The following PRDM2 variants were observed in gnomAD, a reference collection of about 807,000 sequenced individuals.
PRDM2 encodes the protein PR/SET domain 2.
PRDM2 carries 30 observed loss-of-function variants against 130.0 expected under a neutral mutation model. That is an observed-to-expected ratio of 0.23 (90% CI 0.17 to 0.31). The LOEUF (loss-of-function observed/expected upper bound fraction) is 0.31, where lower values mean the gene tolerates loss of function less well. Among genes scored for constraint, PRDM2 ranks in the 10% least tolerant of loss-of-function variants. PRDM2 has a pLI of 1.00. For missense variants in PRDM2, 2,011 were observed against 2,108.4 expected (o/e 0.95, Z 0.90); for synonymous variants, 871 against 782.4 (o/e 1.11, Z -1.89).
At chr1:13,811,143 G>A (rs979940530) in intron 8 of PRDM2, among the ~76,000 whole-genome samples, 1 of 151,868 alleles carries the variant, frequency 6.6e-6, no homozygotes, top group African/African-American at 2.4e-5. Context: ...AAGAAAGCAC[G>A]ACTGCACTCC....
intron 5 of PRDM2, among the ~76,000 whole-genome samples, chr1:13,746,796 A>AT (rs1369567579): frequency 2.6e-5 from 4 of 152,158 alleles, no homozygotes; most frequent in Non-Finnish European, 4.4e-5. Flanking sequence ...CGCTCAAGCG[A>AT]TTCGCCTGCC....
At chr1:13,773,228 A>G (rs764354911) in intron 7 of PRDM2, 40 bp downstream of exon 7, 3 of 1,188,016 alleles carry the variant, frequency 2.5e-6, no homozygotes, top group Non-Finnish European at 1.2e-6. Context: ...TTGGGTGTGT[A>G]TGTACCCAGT....
intron 8 of PRDM2, among the ~76,000 whole-genome samples, chr1:13,784,336 A>G (rs1644689876): frequency 6.6e-6 from 1 of 152,182 alleles, no homozygotes; most frequent in African/African-American, 2.4e-5. Flanking sequence ...GTCCTTTTCA[A>G]GTTGCTTGTG....
At chr1:13,702,402 T>G (rs1056106669) in intron 1 of PRDM2, among the ~76,000 whole-genome samples, 1 of 152,204 alleles carries the variant, frequency 6.6e-6, no homozygotes, top group African/African-American at 2.4e-5. Context: ...TAAGATTTGT[T>G]TGAAAGTTTT....
chr1:13,770,391 T>C, intron 6 of PRDM2: 1 of 449,514 alleles, frequency 2.2e-6, no homozygotes, highest in South Asian at 1.6e-5. Flanking sequence ...GTACTTCCTT[T>C]TGTTAAGATA....
intron 8 of PRDM2, among the ~76,000 whole-genome samples, chr1:13,797,016 A>T (rs1017783520): frequency 5.3e-5 from 8 of 152,238 alleles, no homozygotes; most frequent in Admixed American, 2.0e-4. Context: ...GTTCTGAAAC[A>T]AGAGTTTCCT....
intron 8 of PRDM2, among the ~76,000 whole-genome samples, chr1:13,794,516 T>C: frequency 6.6e-6 from 1 of 152,144 alleles, no homozygotes; most frequent in East Asian, 1.9e-4. Context: ...AATTCTGGCT[T>C]TATCATGTGT....
chr1:13,718,489 G>T (rs1019232848), intron 2 of PRDM2, among the ~76,000 whole-genome samples: 1 of 152,176 alleles, frequency 6.6e-6, no homozygotes. Flanking sequence ...GGACTGTTGC[G>T]CTCAGTTGTA....
At position 13,766,494 on chromosome 1, in the gene PRDM2, G is replaced by A. The variant is rs183372924; in HGVS notation, c.512-6584G>A. On this transcript the variant is annotated intron_variant, in intron 6 of 9. Transcript: ENST00000311066. ...AATTGGATGCCTGTAGAGTAGAGAGGGTGGAAATTCAGTTGCAAGGATGAA... is the reference window on the plus strand; with the variant it reads ...AATTGGATGCCTGTAGAGTAGAGAGAGTGGAAATTCAGTTGCAAGGATGAA... Among the ~76,000 whole-genome samples, 56 of 152,338 alleles carry A rather than the reference G, an allele frequency of 3.7e-4. 1 individual carries two copies. In the South Asian group the frequency reaches 5.6e-3, roughly 15 times the overall value.
chr1:13,787,191 A>G, intron 8 of PRDM2: 1 of 983,800 alleles, frequency 1.0e-6, no homozygotes, highest in Non-Finnish European at 1.2e-6. Context: ...ATCCTCTCAG[A>G]TTCTTATCTG....
intron 6 of PRDM2, chr1:13,772,014 G>A (rs1361984108): frequency 2.0e-5 from 3 of 152,254 alleles, no homozygotes; most frequent in East Asian, 1.9e-4. Flanking sequence ...GTAACTTTAC[G>A]TGTATATAGC....
intron 4 of PRDM2, among the ~76,000 whole-genome samples, 177 bp downstream of exon 4, chr1:13,733,059 C>G (rs926282393): frequency 2.6e-5 from 4 of 152,052 alleles, no homozygotes; most frequent in Non-Finnish European, 5.9e-5. Context: ...TTTATATATG[C>G]TTTTGTATTT....
At chr1:13,814,067 G>T (rs1320048901) in intron 8 of PRDM2, among the ~76,000 whole-genome samples, 1 of 152,202 alleles carries the variant, frequency 6.6e-6, no homozygotes, top group African/African-American at 2.4e-5. Flanking sequence ...GGACATCGTA[G>T]GGAGGGGACC....
chr1:13,819,099 T>G (rs1178364215), intron 9 of PRDM2, among the ~76,000 whole-genome samples: 1 of 152,220 alleles, frequency 6.6e-6, no homozygotes, highest in African/African-American at 2.4e-5. Flanking sequence ...GGCTGCTACG[T>G]GAACCTTCTG....
At chr1:13,745,498 C>T (rs1225205189) in intron 5 of PRDM2, among the ~76,000 whole-genome samples, 1 of 150,964 alleles carries the variant, frequency 6.6e-6, no homozygotes, top group African/African-American at 2.4e-5. Context: ...GATCTTGGCT[C>T]ATTGCAACCT....
rs948437680 is a variant in PRDM2, at chr1:13,749,470, C to A, written c.494C>A (p.Ser165Tyr). ...ERASARSKRSSPKSRKGKKKS... is the reference protein window; with the variant it reads ...ERASARSKRSYPKSRKGKKKS... ...GCCAGCGCCCGGAGCAAGCGGAGCTCCCCCAAGAGCCGGAAAGGTAGGAGC... is the reference window on the plus strand; with the variant it reads ...GCCAGCGCCCGGAGCAAGCGGAGCTACCCCAAGAGCCGGAAAGGTAGGAGC... The change falls in exon 6 of 10, where the codon TCC (serine) becomes TAC (tyrosine). Residue 165 changes from serine (S) to tyrosine (Y), a missense_variant. Physicochemically the swap from Ser to Tyr is moderately radical, Grantham distance 144. Transcript: ENST00000311066. 1 of 1,477,840 alleles carries A rather than the reference C, an allele frequency of 6.8e-7. No individual in the cohort carries two copies. The highest frequency in any genetic ancestry group is 9.1e-7 in the Non-Finnish European group (1 of 1,099,542). 91.5% of individuals were successfully genotyped at this position (1,477,840 alleles called of 1,614,324 possible).
intron 7 of PRDM2, 86 bp from the exon 8 acceptor site, chr1:13,778,332 A>T: frequency 7.4e-7 from 1 of 1,351,114 alleles, no homozygotes; most frequent in East Asian, 2.3e-5. Context: ...GTGGTAAGAG[A>T]AATAACTTGA....
At chr1:13,718,881 T>C (rs1642633870) in intron 2 of PRDM2, among the ~76,000 whole-genome samples, 1 of 152,170 alleles carries the variant, frequency 6.6e-6, no homozygotes, top group African/African-American at 2.4e-5. Context: ...CCTAGACTTA[T>C]CTAGGAATGG....
rs1438252893 is a variant in PRDM2, at chr1:13,816,410, T to C, written c.5037-17T>C. The C allele has an allele frequency of 6.2e-7, 1 of 1,613,810 alleles. No individual in the cohort carries two copies. Among genetic ancestry groups the C allele is most frequent in the South Asian group, 1.1e-5 (1 of 91,078 alleles). Reference sequence around the variant, plus strand: ...TGGGCTCCTGTGACAATGTGTGTTGTTCCTCTTCCTGCACAGCTACAGCCT... The same window carrying C: ...TGGGCTCCTGTGACAATGTGTGTTGCTCCTCTTCCTGCACAGCTACAGCCT... On this transcript the variant is annotated splice_polypyrimidine_tract_variant and intron_variant, in intron 8 of 9. Transcript: ENST00000311066.
Sources: allele counts gnomAD v4.1 joint callset (sites outside exome capture counted in the v4.1 genomes callset), GRCh38; gene constraint gnomAD v4.1.1; transcripts MANE v1.5; gene names NCBI Gene and HGNC (gene_info 2026-07-23, HGNC 2026-07-21).